The following ZNF217 variants were observed in gnomAD, a reference collection of about 807,000 sequenced individuals.
ZNF217 encodes zinc finger protein 217.
ZNF217 carries 12 observed loss-of-function variants against 73.3 expected under a neutral mutation model. That is an observed-to-expected ratio of 0.16 (90% CI 0.10 to 0.27). The LOEUF is 0.27. ZNF217 is among the 10% of genes least tolerant of loss of function. ZNF217 has a pLI of 1.00. For synonymous variants in ZNF217, 588 were observed against 516.4 expected, an observed-to-expected ratio of 1.14 and a Z score of -1.88; for missense variants, 1,195 against 1,327.8, an observed-to-expected ratio of 0.90 and a Z score of 1.55.
Position 53,571,741 on chromosome 20 carries a change from G to A in ZNF217, c.*3C>T, listed in dbSNP as rs370225308. On this transcript the variant is annotated 3_prime_UTR_variant, in exon 5 of 6. Transcript: ENST00000371471. ...CTCACCTTTTTTCCCCCTAATTAGT[G>A]AATCAAGTTTTTTTGTCATTTGGTC... is the stretch of plus-strand genomic sequence containing the variant. 34 of 1,607,264 alleles carry A rather than the reference G, an allele frequency of 2.1e-5. No homozygotes were observed. The highest frequency in any genetic ancestry group is 2.8e-5 in the Non-Finnish European group (33 of 1,178,218).
At chr20:53,593,019 A>C (rs546737734) in intron 1 of ZNF217, among the ~76,000 whole-genome samples, 1 of 151,884 alleles carries the variant, frequency 6.6e-6, no homozygotes, top group African/African-American at 2.4e-5. Context: ...AAAATCTTTA[A>C]AATTAGAGGA....
At position 53,576,455 on chromosome 20, in the gene ZNF217, C is replaced by T. The variant is rs2145940418; in HGVS notation, c.2309G>A (p.Ser770Asn). Residue 770 changes from serine to asparagine, a missense_variant, in exon 4 of 6, where the codon AGT (serine) becomes AAT (asparagine). By Grantham distance (46) the Ser-to-Asn change is conservative (BLOSUM62 1). Around this residue, in one of 9 missense-constraint regions of ZNF217, gnomAD observed 649 missense variants for 642.8 expected, o/e 1.01. Coordinates refer to ENST00000371471, the MANE Select transcript of ZNF217 (RefSeq NM_006526.3). ...AGACTTGGGCTTGGGTTTACAGAAA[C>T]TAGAGAGGGGAGGCACATCTTTTCC... is the stretch of plus-strand genomic sequence containing the variant. Reference protein sequence around the residue: ...LLGKDVPPLSSFCKPKPKSAF... With the variant: ...LLGKDVPPLSNFCKPKPKSAF... 1.2e-6 allele frequency: 2 copies of T among 1,614,160 alleles called. No individual in the cohort carries two copies. The highest frequency in any genetic ancestry group is 2.2e-5 in the East Asian group (1 of 44,880).
At chr20:53,573,592 C>T (rs1023860143) in intron 4 of ZNF217, among the ~76,000 whole-genome samples, 2 of 152,098 alleles carry the variant, frequency 1.3e-5, no homozygotes, top group African/African-American at 2.4e-5. Context: ...CCAAACAGTT[C>T]GGATTACAGG....
intron 4 of ZNF217, chr20:53,572,629 T>C (rs1313156103): frequency 6.6e-6 from 1 of 152,220 alleles, no homozygotes; most frequent in Non-Finnish European, 1.5e-5. Flanking sequence ...TAATTTGCTA[T>C]CTCTACTGAA....
chr20:53,594,375 C>T (rs1291721477), upstream of ZNF217, among the ~76,000 whole-genome samples: 1 of 149,784 alleles, frequency 6.7e-6, no homozygotes, highest in Admixed American at 6.6e-5. Context: ...CGCCCGGCCA[C>T]GCCCCACACC....
chr20:53,580,126 G>A (rs921356413), intron 2 of ZNF217, among the ~76,000 whole-genome samples: 1 of 152,180 alleles, frequency 6.6e-6, no homozygotes, highest in South Asian at 2.1e-4. Context: ...TATGCTAAGT[G>A]CTGGGTTTCC....
At chr20:53,591,151 T>C (rs1245313679) in intron 1 of ZNF217, among the ~76,000 whole-genome samples, 1 of 152,148 alleles carries the variant, frequency 6.6e-6, no homozygotes, top group Non-Finnish European at 1.5e-5. Context: ...TATTAGTTCC[T>C]TTTTTTGAGT....
At chr20:53,597,457 A>T (rs1323533357), upstream of ZNF217, among the ~76,000 whole-genome samples, 1 of 152,204 alleles carries the variant, frequency 6.6e-6, no homozygotes, top group Admixed American at 6.5e-5. Context: ...TTTGAACAAG[A>T]CTAAATGCAC....
chr20:53,585,420 C>A lies in ZNF217; in HGVS notation c.-342-2252G>T, dbSNP rs1372537868. ...GCTAAAAATACAAAAATTAGCTGGGCATGGTAATACACACCTGTAATCCCA... is the reference window on the plus strand; with the variant it reads ...GCTAAAAATACAAAAATTAGCTGGGAATGGTAATACACACCTGTAATCCCA... On this transcript the variant is annotated intron_variant, in intron 1 of 5. Coordinates refer to ENST00000371471, the MANE Select transcript of ZNF217 (RefSeq NM_006526.3). Among the ~76,000 whole-genome samples, 4 of 152,078 alleles carry A rather than the reference C, an allele frequency of 2.6e-5. No individual in the cohort carries two copies. The East Asian group carries it at 7.7e-4, about 29-fold the overall frequency.
rs955055442 is a variant in ZNF217 at position 53,579,320 on chromosome 20, A to G, written c.1367-870T>C. Among the ~76,000 whole-genome samples the G allele has an allele frequency of 3.9e-5, 6 of 152,164 alleles. No individual in the cohort carries two copies. The East Asian group carries it at 7.7e-4, about 20-fold the overall frequency. The stretch of plus-strand genomic sequence containing the variant: ...AATAAATGTCCCCTCACTGTAGATC[A>G]TATCACTATCCACCTGTAAGACAGA... On this transcript the variant is annotated intron_variant, in intron 2 of 5. Coordinates refer to ENST00000371471, the MANE Select transcript of ZNF217 (RefSeq NM_006526.3).
Position 53,586,885 on chromosome 20 carries a change from T to C in ZNF217, c.-342-3717A>G, listed in dbSNP as rs537632479. Among the ~76,000 whole-genome samples, 18 of 152,326 alleles carry C rather than the reference T, an allele frequency of 1.2e-4. No individual in the cohort carries two copies. In the South Asian group the frequency reaches 3.7e-3, roughly 32 times the overall value. On this transcript the variant is annotated intron_variant, in intron 1 of 5. Coordinates refer to ENST00000371471, the MANE Select transcript of ZNF217 (RefSeq NM_006526.3). Reference sequence around the variant, plus strand: ...CACTGCTGATAAAGTAAATTGTCTTTCTTGACAAAGAACTGGAGGAGAAAA... The same window carrying C: ...CACTGCTGATAAAGTAAATTGTCTTCCTTGACAAAGAACTGGAGGAGAAAA...
At chr20:53,580,976 G>C (rs1404285168) in intron 2 of ZNF217, among the ~76,000 whole-genome samples, 1 of 152,132 alleles carries the variant, frequency 6.6e-6, no homozygotes, top group African/African-American at 2.4e-5. Context: ...ATAATTCTTT[G>C]ATGATGGGGC....
intron 2 of ZNF217, among the ~76,000 whole-genome samples, chr20:53,580,003 G>A (rs1988426198): frequency 6.6e-6 from 1 of 152,160 alleles, no homozygotes; most frequent in Non-Finnish European, 1.5e-5. Flanking sequence ...AGGGAACTGG[G>A]GCATCTCACA....
At chr20:53,593,170 C>A (rs1335857068) in intron 1 of ZNF217, among the ~76,000 whole-genome samples, 4 of 152,084 alleles carry the variant, frequency 2.6e-5, no homozygotes, top group Non-Finnish European at 5.9e-5. Flanking sequence ...GCGTCGGGGT[C>A]CGCGGCGAGG....
chr20:53,575,484 T>G (rs886342593), intron 4 of ZNF217: 1 of 418,586 alleles, frequency 2.4e-6, no homozygotes, highest in African/African-American at 2.0e-5. Context: ...AAAAATAAAG[T>G]AAGACTAAAC....
upstream of ZNF217, among the ~76,000 whole-genome samples, chr20:53,595,046 CAAAAAAAAA>C (rs55752265): frequency 9.5e-6 from 1 of 105,210 alleles, no homozygotes; most frequent in African/African-American, 3.7e-5. Flanking sequence ...AAAAAAGGGA[CAAAAAAAAA>C]AAAAAAAAAA....
At chr20:53,574,719 C>T (rs892278972) in intron 4 of ZNF217, 2 of 149,092 alleles carry the variant, frequency 1.3e-5, no homozygotes, top group Non-Finnish European at 2.9e-5. Context: ...TGCTTGAACC[C>T]AGGAGAAGGA....
chr20:53,569,132 T>TTC lies in ZNF217; in HGVS notation c.*154_*155dup. 7.5e-7 allele frequency: 1 copy of TTC among 1,336,050 alleles called. No homozygotes were observed. Among genetic ancestry groups the TTC allele is most frequent in the Non-Finnish European group, 9.9e-7 (1 of 1,007,380 alleles). 82.8% of individuals were successfully genotyped at this position (1,336,050 alleles called of 1,614,324 possible). Reference sequence around the variant, plus strand: ...AGAACAACTTTACACAACTGTAGTGTTCCTTGCAGATTCCTCATATGTTTT... The same window carrying TTC: ...AGAACAACTTTACACAACTGTAGTGTTCTCCTTGCAGATTCCTCATATGTTTT... On this transcript the variant is annotated 3_prime_UTR_variant, in exon 6 of 6. Transcript: ENST00000371471.
chr20:53,589,723 T>C (rs1484811371), intron 1 of ZNF217, among the ~76,000 whole-genome samples: 2 of 152,196 alleles, frequency 1.3e-5, no homozygotes, highest in Admixed American at 1.3e-4. Context: ...AATAACCCAG[T>C]TCACCTTACT....
Sources: gnomAD v4.1 joint callset for allele counts (sites outside exome capture counted in the v4.1 genomes callset) on GRCh38, gnomAD v4.1.1 for gene constraint, gnomAD v4.1.1 regional missense constraint, MANE v1.5 for transcripts, NCBI Gene and HGNC (gene_info 2026-07-23, HGNC 2026-07-21) for gene names.